Variants in NXPE2 observed in about 807,000 individuals in gnomAD.
NXPE2 encodes neurexophilin and PC-esterase domain family member 2.
Under a neutral mutation model 34.4 loss-of-function variants are expected in NXPE2, and 34 were observed. The ratio of observed to expected loss-of-function variants is 0.99; its 90% CI spans 0.75 to 1.31. The LOEUF (loss-of-function observed/expected upper bound fraction) is 1.31. Among genes scored for constraint, NXPE2 ranks in the 40% most tolerant of loss-of-function variants. NXPE2 has a pLI of 0.00. For synonymous variants in NXPE2, 235 were observed against 231.3 expected, an observed-to-expected ratio of 1.02 and a Z score of -0.15; for missense variants, 649 against 672.5, an observed-to-expected ratio of 0.97 and a Z score of 0.39.
chr11:114,702,159 A>G (rs942673134), intron 3 of NXPE2, among the ~76,000 whole-genome samples: 1 of 152,250 alleles, frequency 6.6e-6, no homozygotes, highest in Non-Finnish European at 1.5e-5. Context: ...CCATAGGAGA[A>G]GACATCACAT....
At chr11:114,635,514 G>A in the NXPE2 span, among the ~76,000 whole-genome samples, 4 of 152,104 alleles carry the variant, frequency 2.6e-5, no homozygotes, top group East Asian at 7.7e-4. Flanking sequence ...GAATAGGAGT[G>A]GTGAGAGAGG....
chr11:114,800,292 A>G, the NXPE2 span, among the ~76,000 whole-genome samples: 1 of 152,230 alleles, frequency 6.6e-6, no homozygotes, highest in Non-Finnish European at 1.5e-5. Context: ...TCACATGCAC[A>G]TGATATAATT....
At chr11:114,712,430 AC>A in the NXPE2 span, among the ~76,000 whole-genome samples, 6 of 151,732 alleles carry the variant, frequency 4.0e-5, no homozygotes, top group East Asian at 3.9e-4. Context: ...ATGTAAAAAA[AC>A]AAATAGATTT....
the NXPE2 span, among the ~76,000 whole-genome samples, chr11:114,534,877 A>G: frequency 4.1e-4 from 63 of 152,358 alleles, no homozygotes; most frequent in African/African-American, 1.4e-3. Flanking sequence ...ATCCAGGAGA[A>G]CTTCCCCAAT....
At chr11:114,633,842 A>C in the NXPE2 span, among the ~76,000 whole-genome samples, 1 of 152,086 alleles carries the variant, frequency 6.6e-6, no homozygotes, top group East Asian at 1.9e-4. Flanking sequence ...TATGTGCCAC[A>C]TTATCTTAAT....
At chr11:114,651,178 G>A in the NXPE2 span, among the ~76,000 whole-genome samples, 5 of 152,228 alleles carry the variant, frequency 3.3e-5, no homozygotes, top group South Asian at 4.1e-4. Flanking sequence ...GAATGAAGCC[G>A]TGGACCCTCG....
At chr11:114,597,251 G>A in the NXPE2 span, among the ~76,000 whole-genome samples, 1 of 152,078 alleles carries the variant, frequency 6.6e-6, no homozygotes, top group Non-Finnish European at 1.5e-5. Flanking sequence ...TAGCCCAATA[G>A]AAGGAAAAGG....
the NXPE2 span, among the ~76,000 whole-genome samples, chr11:114,747,637 A>G: frequency 6.6e-6 from 1 of 152,182 alleles, no homozygotes; most frequent in Admixed American, 6.5e-5. Context: ...CAAGGGGGGA[A>G]CTGCCAAGCA....
chr11:114,522,637 A>T, the NXPE2 span: 1 of 769,810 alleles, frequency 1.3e-6, no homozygotes, highest in Non-Finnish European at 2.0e-6. Flanking sequence ...TCTAGGGTAC[A>T]GTACCCCCAG....
the NXPE2 span, among the ~76,000 whole-genome samples, chr11:114,492,386 A>T: frequency 6.6e-6 from 1 of 152,108 alleles, no homozygotes; most frequent in Admixed American, 6.5e-5. Context: ...AAAAGTCTTT[A>T]AAGGCTTTTT....
the NXPE2 span, among the ~76,000 whole-genome samples, chr11:114,472,709 C>A: frequency 1.3e-5 from 2 of 152,194 alleles, no homozygotes; most frequent in Non-Finnish European, 2.9e-5. Flanking sequence ...GAAGGAAGAA[C>A]TAGCTCTCTG....
the NXPE2 span, among the ~76,000 whole-genome samples, chr11:114,579,003 T>C: frequency 6.6e-6 from 1 of 152,316 alleles, no homozygotes; most frequent in South Asian, 2.1e-4. Flanking sequence ...TCTGTTTGCA[T>C]TGCTATAAAG....
At chr11:114,729,515 A>G in the NXPE2 span, among the ~76,000 whole-genome samples, 1 of 152,182 alleles carries the variant, frequency 6.6e-6, no homozygotes, top group African/African-American at 2.4e-5. Context: ...AAACTAATTT[A>G]CAATCCCACC....
the NXPE2 span, among the ~76,000 whole-genome samples, chr11:114,635,381 T>A: frequency 2.7e-5 from 4 of 150,850 alleles, no homozygotes; most frequent in African/African-American, 9.8e-5. Context: ...CAATGGGGTT[T>A]TCTAGATATA....
downstream of NXPE2, among the ~76,000 whole-genome samples, chr11:114,708,493 G>A (rs535654913): frequency 6.6e-6 from 1 of 152,120 alleles, no homozygotes; most frequent in South Asian, 2.1e-4. Flanking sequence ...TTAGGACTGT[G>A]TTTCTTAGTT....
chr11:114,528,563 C>G, the NXPE2 span, among the ~76,000 whole-genome samples: 1 of 152,314 alleles, frequency 6.6e-6, no homozygotes, highest in East Asian at 1.9e-4. Flanking sequence ...ACTGCTGTAT[C>G]CTTAATATCT....
In NXPE2 at chr11:114,706,394, G is replaced by A; in HGVS notation, c.1145-1G>A. The A allele has an allele frequency of 6.6e-7, 1 of 1,524,398 alleles. No individual in the cohort carries two copies. Among genetic ancestry groups the A allele is most frequent in the Non-Finnish European group, 8.8e-7 (1 of 1,135,100 alleles). 94.4% of individuals were successfully genotyped at this position (1,524,398 alleles called of 1,614,324 possible). On this transcript the variant is annotated splice_acceptor_variant, in intron 5 of 5. Coordinates refer to ENST00000389586, the MANE Select transcript of NXPE2 (RefSeq NM_182495.6). LOFTEE classifies it high-confidence loss of function. ...ATATTTATTGATTTGTCTTTCATCA[G>A]CCCTAAAATATTTTGATCATCATGG... is the stretch of plus-strand genomic sequence containing the variant.
At chr11:114,660,949 G>A in the NXPE2 span, among the ~76,000 whole-genome samples, 1 of 151,976 alleles carries the variant, frequency 6.6e-6, no homozygotes, top group East Asian at 1.9e-4. Context: ...TTAATATAAA[G>A]TTTTATTGTT....
At chr11:114,722,839 G>T in the NXPE2 span, among the ~76,000 whole-genome samples, 1 of 152,152 alleles carries the variant, frequency 6.6e-6, no homozygotes, top group Non-Finnish European at 1.5e-5. Flanking sequence ...GTTCTTTGTT[G>T]TGAGATTATT....
Sources: allele counts gnomAD v4.1 joint callset (sites outside exome capture counted in the v4.1 genomes callset), GRCh38; gene constraint gnomAD v4.1.1; transcripts MANE v1.5; gene names NCBI Gene and HGNC (gene_info 2026-07-23, HGNC 2026-07-21).